Variants in UGGT2 observed in about 807,000 individuals in gnomAD.
UGGT2 encodes UDP-glucose:glycoprotein glucosyltransferase 2.
In UGGT2, 180 loss-of-function variants were observed where a neutral mutation model predicts 192.1. That is an observed-to-expected ratio of 0.94 (90% confidence interval 0.83 to 1.06). The LOEUF (loss-of-function observed/expected upper bound fraction) is 1.06, where lower values mean the gene tolerates loss of function less well. Among genes scored for constraint, UGGT2 ranks in the 50% least tolerant of loss-of-function variants. The pLI is 0.00. For synonymous variants in UGGT2, 580 were observed against 591.0 expected, an observed-to-expected ratio of 0.98 and a Z score of 0.27; for missense variants, 1,849 against 1,795.7, an observed-to-expected ratio of 1.03 and a Z score of -0.54.
At chr13:96,023,554 T>A in intron 3 of UGGT2, 75 bp downstream of exon 3, 1 of 1,426,860 alleles carries the variant, frequency 7.0e-7, no homozygotes, top group Non-Finnish European at 9.3e-7. Flanking sequence ...GAACTAAAGA[T>A]GTTCATATTA....
At position 95,884,670 on chromosome 13, in the gene UGGT2, A is replaced by T. The variant is rs375243745; in HGVS notation, c.3049T>A (p.Phe1017Ile). ...GACATCAGTTCTGGTTCCAGAACAAAACGGTAAAAGCTGTTAATAAAACAT... is the reference window on the plus strand; with the variant it reads ...GACATCAGTTCTGGTTCCAGAACAATACGGTAAAAGCTGTTAATAAAACAT... Reference protein sequence around the residue: ...SEAPLESFYRFVLEPELMSGA... With the variant: ...SEAPLESFYRIVLEPELMSGA... Residue 1017 changes from phenylalanine (F) to isoleucine (I), a missense_variant, in exon 27 of 39, where the codon TTT (phenylalanine) becomes ATT (isoleucine). Transcript: ENST00000376747. The T allele has an allele frequency of 1.5e-5, 24 of 1,609,088 alleles. No individual in the cohort carries two copies. Among genetic ancestry groups the T allele is most frequent in the Non-Finnish European group, 1.9e-5 (22 of 1,178,380 alleles).
At chr13:95,856,740 G>A (rs183772098) in intron 33 of UGGT2, 127 of 351,520 alleles carry the variant, frequency 3.6e-4, no homozygotes, top group Non-Finnish European at 5.6e-4. Context: ...GGTCAGAGAT[G>A]TAAAGATGAA....
At chr13:95,902,811 A>C in intron 21 of UGGT2, 43 bp downstream of exon 21, 1 of 1,551,744 alleles carries the variant, frequency 6.4e-7, no homozygotes, top group South Asian at 1.2e-5. Context: ...CACTTTTAAA[A>C]TATGCAATAC....
At chr13:95,953,399 A>C (rs1404203582) in intron 12 of UGGT2, among the ~76,000 whole-genome samples, 1 of 152,246 alleles carries the variant, frequency 6.6e-6, no homozygotes, top group Non-Finnish European at 1.5e-5. Flanking sequence ...GAACCTGCAT[A>C]CTTTGAATGC....
At chr13:95,989,615 A>G (rs1173193441) in intron 8 of UGGT2, 1 of 360,666 alleles carries the variant, frequency 2.8e-6, no homozygotes, top group Admixed American at 3.1e-5. Context: ...TTCAAAAAGA[A>G]GAAAACCAAG....
chr13:96,039,041 T>C (rs1334940771), intron 1 of UGGT2, among the ~76,000 whole-genome samples: 3 of 151,786 alleles, frequency 2.0e-5, no homozygotes, highest in East Asian at 3.9e-4. Flanking sequence ...AGGAAAAAAA[T>C]AGAAGGAATA....
At chr13:95,999,817 T>C (rs1303535790) in intron 5 of UGGT2, among the ~76,000 whole-genome samples, 1 of 152,214 alleles carries the variant, frequency 6.6e-6, no homozygotes, top group Non-Finnish European at 1.5e-5. Context: ...AAGTTTTCTT[T>C]GTTTCTCAAT....
intron 5 of UGGT2, among the ~76,000 whole-genome samples, chr13:96,003,024 G>A (rs2051857125): frequency 6.6e-6 from 1 of 152,138 alleles, no homozygotes; most frequent in African/African-American, 2.4e-5. Flanking sequence ...TAGCTGCGGT[G>A]CAACATGAAT....
At chr13:96,036,264 G>A (rs1045834262) in intron 1 of UGGT2, among the ~76,000 whole-genome samples, 5 of 152,174 alleles carry the variant, frequency 3.3e-5, no homozygotes, top group Non-Finnish European at 7.3e-5. Flanking sequence ...AAACATGGAT[G>A]GAGCTGGAAG....
intron 4 of UGGT2, among the ~76,000 whole-genome samples, chr13:96,015,347 G>A (rs928632632): frequency 2.0e-5 from 3 of 150,978 alleles, no homozygotes; most frequent in Admixed American, 6.6e-5. Flanking sequence ...AAATATTGAG[G>A]TTGAATATAA....
At chr13:95,809,386 C>CAAAT (rs1884470135) in intron 38 of UGGT2, 1 of 403,316 alleles carries the variant, frequency 2.5e-6, no homozygotes, top group Non-Finnish European at 4.9e-6. Context: ...TTTCTGCAGG[C>CAAAT]AAATCTTCTT....
chr13:95,888,006 TA>T (rs1267682472), intron 25 of UGGT2, 35 bp from the exon 26 acceptor site: 1 of 1,353,876 alleles, frequency 7.4e-7, no homozygotes, highest in South Asian at 1.3e-5. Context: ...TGATATTAAA[TA>T]ATATTAATAG....
chr13:95,887,509 T>C (rs1316221154), intron 26 of UGGT2: 1 of 306,354 alleles, frequency 3.3e-6, no homozygotes, highest in Non-Finnish European at 6.5e-6. Flanking sequence ...TTTATCCTAA[T>C]GCCCCCAAAT....
In UGGT2 at chr13:95,974,448, C is replaced by A. The variant is rs554954477; in HGVS notation, c.1093-1777G>T. On this transcript the variant is annotated intron_variant, in intron 10 of 38. Coordinates refer to ENST00000376747, the MANE Select transcript of UGGT2 (RefSeq NM_020121.4). ...TACAAAGTACACCAAGCATGCAGAT[C>A]CATATTAAATTGCTAAATCCCTCAA... is the stretch of plus-strand genomic sequence containing the variant. Among the ~76,000 whole-genome samples the A allele has an allele frequency of 5.9e-5, 9 of 152,290 alleles. No homozygotes were observed. The South Asian group carries it at 1.7e-3, about 28-fold the overall frequency.
At chr13:96,025,391 T>G (rs9562012) in intron 2 of UGGT2, among the ~76,000 whole-genome samples, 60,050 of 152,012 alleles carry the variant, frequency 0.4, 12,103 homozygotes, top group Middle Eastern at 0.45. Context: ...TGCCTATTAA[T>G]GAAGAGAAGA....
chr13:95,817,395 G>A (rs186294483), intron 38 of UGGT2, among the ~76,000 whole-genome samples: 119 of 152,258 alleles, frequency 7.8e-4, no homozygotes, highest in African/African-American at 2.8e-3. Context: ...GACCAGCCTG[G>A]ACAACATAGC....
At chr13:95,899,033 G>A (rs769866697) in intron 22 of UGGT2, among the ~76,000 whole-genome samples, 7 of 152,148 alleles carry the variant, frequency 4.6e-5, no homozygotes, top group South Asian at 2.1e-4. Context: ...ATTAAGCCAC[G>A]AGGGCTCTGC....
chr13:95,813,802 A>C (rs1884687896), intron 38 of UGGT2, among the ~76,000 whole-genome samples: 1 of 152,196 alleles, frequency 6.6e-6, no homozygotes. Context: ...GAATGGTTTC[A>C]TGGTCCAGGC....
intron 36 of UGGT2, among the ~76,000 whole-genome samples, chr13:95,848,374 C>T (rs1594139297): frequency 6.6e-6 from 1 of 152,126 alleles, no homozygotes; most frequent in Non-Finnish European, 1.5e-5. Context: ...CATTGACATA[C>T]CCAAGGCCAT....
Sources: gnomAD v4.1 joint callset for allele counts (sites outside exome capture counted in the v4.1 genomes callset) on GRCh38, gnomAD v4.1.1 for gene constraint, MANE v1.5 for transcripts, NCBI Gene and HGNC (gene_info 2026-07-23, HGNC 2026-07-21) for gene names.